Variants in CADM2 observed in about 807,000 individuals in gnomAD.
CADM2 encodes the protein immunoglobulin superfamily member 4D.
In CADM2, 12 loss-of-function variants were observed where a neutral mutation model predicts 49.8. The observed-to-expected ratio is 0.24, with a 90% confidence interval of 0.15 to 0.39. The LOEUF (loss-of-function observed/expected upper bound fraction) is 0.39, where lower values mean the gene tolerates loss of function less well. CADM2 is among the 10% of genes least tolerant of loss of function. The pLI is 1.00. For synonymous variants in CADM2, 214 were observed against 175.4 expected (o/e 1.22, Z -1.74); for missense variants, 378 against 492.3 (o/e 0.77, Z 2.20).
intron 1 of CADM2, among the ~76,000 whole-genome samples, chr3:85,037,973 T>TA (rs78398267): frequency 3.7e-4 from 53 of 143,828 alleles, no homozygotes; most frequent in East Asian, 1.4e-3. Flanking sequence ...GCCGGAAAAC[T>TA]AAAAAAAAAA....
chr3:85,900,522 C>A (rs1382181554), intron 5 of CADM2, among the ~76,000 whole-genome samples: 1 of 152,082 alleles, frequency 6.6e-6, no homozygotes, highest in Non-Finnish European at 1.5e-5. Context: ...TCATGAGATA[C>A]ATAAAAACAT....
intron 1 of CADM2, among the ~76,000 whole-genome samples, chr3:85,314,468 T>TA (rs572891195): frequency 7.3e-4 from 110 of 151,062 alleles, no homozygotes; most frequent in African/African-American, 2.0e-3. Flanking sequence ...ATAGTTACAT[T>TA]AAAAAAAAAC....
intron 3 of CADM2, among the ~76,000 whole-genome samples, chr3:85,841,049 A>G (rs151331304): frequency 6.6e-5 from 10 of 151,966 alleles, no homozygotes; most frequent in African/African-American, 2.4e-4. Flanking sequence ...TGAAATAATA[A>G]TATAATAATC....
intron 1 of CADM2, among the ~76,000 whole-genome samples, chr3:85,703,742 T>A (rs1428867710): frequency 6.6e-6 from 1 of 152,100 alleles, no homozygotes; most frequent in Non-Finnish European, 1.5e-5. Context: ...AAAGGAAAAT[T>A]GAGGAATGAG....
At chr3:85,099,388 T>C (rs2037925880) in intron 1 of CADM2, among the ~76,000 whole-genome samples, 1 of 152,048 alleles carries the variant, frequency 6.6e-6, no homozygotes, top group Non-Finnish European at 1.5e-5. Flanking sequence ...ATGAATAATA[T>C]AATAAAAGGA....
chr3:85,012,890 A>C (rs371215399), intron 1 of CADM2, among the ~76,000 whole-genome samples: 1 of 151,932 alleles, frequency 6.6e-6, no homozygotes, highest in East Asian at 1.9e-4. Context: ...GGATTCATTT[A>C]TTTGATATAT....
intron 1 of CADM2, among the ~76,000 whole-genome samples, chr3:85,500,576 G>A (rs2040075346): frequency 6.6e-6 from 1 of 151,130 alleles, no homozygotes; most frequent in Admixed American, 6.6e-5. Context: ...GGAGTGCAGT[G>A]GCATGATCTC....
In CADM2 at chr3:85,998,705, G is replaced by A. The variant is rs188619520; in HGVS notation, c.970+37058G>A. Among the ~76,000 whole-genome samples the A allele has an allele frequency of 5.9e-3, 894 of 152,160 alleles. 1 individual carries two copies. The highest frequency in any genetic ancestry group is 0.01 in the Middle Eastern group (3 of 294). On this transcript the variant is annotated intron_variant, in intron 8 of 9. Coordinates refer to ENST00000383699, the MANE Select transcript of CADM2 (RefSeq NM_001167675.2). ...AAATGAAATGATAAAACGGTACTTA[G>A]GCTTTTGAAGATTGCTGTGATATAG...
At chr3:85,339,156 T>A (rs2045172473) in intron 1 of CADM2, among the ~76,000 whole-genome samples, 1 of 151,506 alleles carries the variant, frequency 6.6e-6, no homozygotes, top group Non-Finnish European at 1.5e-5. Flanking sequence ...AAACCCATTT[T>A]AAAAATAGGT....
At chr3:85,483,037 A>G (rs1239428573) in intron 1 of CADM2, among the ~76,000 whole-genome samples, 3 of 151,570 alleles carry the variant, frequency 2.0e-5, no homozygotes, top group African/African-American at 7.2e-5. Flanking sequence ...CACCCATAAA[A>G]TTGCCCTTTC....
intron 1 of CADM2, among the ~76,000 whole-genome samples, chr3:85,043,840 A>G (rs927028657): frequency 1.3e-5 from 2 of 152,174 alleles, no homozygotes; most frequent in African/African-American, 4.8e-5. Flanking sequence ...TATCTATCAT[A>G]TAAAATTCAA....
intron 1 of CADM2, among the ~76,000 whole-genome samples, chr3:85,167,059 AT>A (rs1396041645): frequency 3.9e-5 from 6 of 151,902 alleles, no homozygotes; most frequent in African/African-American, 7.2e-5. Context: ...GATAAAAAAT[AT>A]TTTTTTTCCT....
At chr3:85,358,097 A>G (rs1054222683) in intron 1 of CADM2, among the ~76,000 whole-genome samples, 6 of 152,030 alleles carry the variant, frequency 3.9e-5, no homozygotes, top group Non-Finnish European at 8.8e-5. Flanking sequence ...GTTGTGGGAG[A>G]CCAGCCTATG....
intron 2 of CADM2, among the ~76,000 whole-genome samples, chr3:85,745,531 C>T (rs17023257): frequency 0.04 from 6,011 of 151,828 alleles, 376 homozygotes; most frequent in African/African-American, 0.14. Flanking sequence ...AGAAAGAAAA[C>T]AGTCAACACG....
At chr3:86,010,569 A>G (rs1731371796) in intron 8 of CADM2, among the ~76,000 whole-genome samples, 2 of 151,374 alleles carry the variant, frequency 1.3e-5, no homozygotes, top group African/African-American at 4.8e-5. Flanking sequence ...TAACAAATAT[A>G]TAAGCTCTGT....
intron 3 of CADM2, among the ~76,000 whole-genome samples, chr3:85,839,453 T>C (rs183353994): frequency 3.0e-4 from 45 of 151,668 alleles, no homozygotes; most frequent in African/African-American, 9.7e-4. Flanking sequence ...ATAATAAACA[T>C]GAAAAACATA....
At chr3:85,206,596 C>A (rs1019066251) in intron 1 of CADM2, among the ~76,000 whole-genome samples, 2 of 152,068 alleles carry the variant, frequency 1.3e-5, no homozygotes, top group African/African-American at 4.8e-5. Flanking sequence ...CGTGAGCCAC[C>A]GCGCCCGGCC....
chr3:85,629,686 A>G (rs1014126488), intron 1 of CADM2, among the ~76,000 whole-genome samples: 3 of 151,978 alleles, frequency 2.0e-5, no homozygotes, highest in African/African-American at 7.2e-5. Flanking sequence ...AGGAGAATAA[A>G]GCAACTTTCT....
chr3:85,143,011 A>T (rs2039623226), intron 1 of CADM2, among the ~76,000 whole-genome samples: 1 of 152,346 alleles, frequency 6.6e-6, no homozygotes, highest in African/African-American at 2.4e-5. Flanking sequence ...TAGCAAATTT[A>T]TTATAAATTA....
Sources: allele counts gnomAD v4.1 joint callset (sites outside exome capture counted in the v4.1 genomes callset), GRCh38; gene constraint gnomAD v4.1.1; transcripts MANE v1.5; gene names NCBI Gene and HGNC (gene_info 2026-07-23, HGNC 2026-07-21).